Variants in NRXN1 observed in about 807,000 individuals in gnomAD.
NRXN1 encodes the protein neurexin 1.
A neutral mutation model predicts 150.9 loss-of-function variants in NRXN1; 39 were observed. The ratio of observed to expected loss-of-function variants is 0.26; its 90% CI spans 0.20 to 0.34. The LOEUF (loss-of-function observed/expected upper bound fraction) is 0.34. Among genes scored for constraint, NRXN1 ranks in the 10% least tolerant of loss-of-function variants. NRXN1 has a pLI of 1.00. For missense variants in NRXN1, 1,815 were observed against 1,949.9 expected (o/e 0.93, Z 1.30); for synonymous variants, 924 against 757.0 (o/e 1.22, Z -3.62).
At position 50,536,522 on chromosome 2, in the gene NRXN1, T is replaced by C. The variant is rs141370654; in HGVS notation, c.2143+1731A>G. On this transcript the variant is annotated intron_variant, in intron 10 of 22. Coordinates refer to ENST00000401669, the MANE Select transcript of NRXN1 (RefSeq NM_001330078.2). ...TTTTGCCATAGGTAGTAGCGGAATA[T>C]TGCCACAGGGTGGTACACCACGCAT... Among the ~76,000 whole-genome samples, 325 of 152,308 alleles carry C rather than the reference T, an allele frequency of 2.1e-3. 1 individual carries two copies. Among genetic ancestry groups the C allele is most frequent in the African/African-American group, 7.2e-3 (300 of 41,574 alleles).
At chr2:50,704,156 T>G (rs578038103) in intron 5 of NRXN1, among the ~76,000 whole-genome samples, 14 of 152,148 alleles carry the variant, frequency 9.2e-5, no homozygotes, top group African/African-American at 2.2e-4. Context: ...TTATCTTTAT[T>G]ATTCTCTACT....
chr2:50,482,903 T>C (rs918230374), intron 15 of NRXN1, among the ~76,000 whole-genome samples: 3 of 151,660 alleles, frequency 2.0e-5, no homozygotes, highest in Non-Finnish European at 4.4e-5. Flanking sequence ...ATACAAAAAT[T>C]AGCTGTGCGT....
chr2:50,348,622 T>G (rs998544034), intron 17 of NRXN1, among the ~76,000 whole-genome samples: 1 of 152,162 alleles, frequency 6.6e-6, no homozygotes, highest in African/African-American at 2.4e-5. Context: ...ATGCTTTTGA[T>G]GAAATACAGC....
chr2:50,959,666 T>C (rs551152647), intron 2 of NRXN1, among the ~76,000 whole-genome samples: 6 of 152,040 alleles, frequency 3.9e-5, no homozygotes, highest in Non-Finnish European at 7.4e-5. Flanking sequence ...GGAATTAGCA[T>C]GACAGCTGCA....
At chr2:50,295,506 A>G (rs17040415) in intron 17 of NRXN1, among the ~76,000 whole-genome samples, 4,823 of 152,298 alleles carry the variant, frequency 0.032, 277 homozygotes, top group African/African-American at 0.11. Context: ...TACTACTGTA[A>G]TCTCTGAATA....
chr2:50,345,478 C>G (rs75350212), intron 17 of NRXN1, among the ~76,000 whole-genome samples: 5 of 152,042 alleles, frequency 3.3e-5, no homozygotes, highest in Admixed American at 2.6e-4. Context: ...ACGGGTCCTG[C>G]AAGAAAGAGG....
intron 5 of NRXN1, among the ~76,000 whole-genome samples, chr2:50,640,520 G>T (rs1409407183): frequency 1.3e-5 from 2 of 152,082 alleles, no homozygotes; most frequent in African/African-American, 4.8e-5. Flanking sequence ...TATATGCTTA[G>T]ATGTTACATT....
chr2:50,437,884 T>C (rs2085584315), intron 17 of NRXN1, among the ~76,000 whole-genome samples: 1 of 152,192 alleles, frequency 6.6e-6, no homozygotes, highest in African/African-American at 2.4e-5. Flanking sequence ...TTTGTGAATG[T>C]CCATTCTATA....
chr2:50,427,233 A>C (rs1373618657), intron 17 of NRXN1, among the ~76,000 whole-genome samples: 1 of 152,190 alleles, frequency 6.6e-6, no homozygotes, highest in Non-Finnish European at 1.5e-5. Context: ...AGAAGCCATC[A>C]GCTTGTAAAT....
At position 50,909,058 on chromosome 2, in the gene NRXN1, A is replaced by AT. The variant is rs543703169; in HGVS notation, c.832+12810dup. Among the ~76,000 whole-genome samples, 354 of 152,150 alleles carry AT rather than the reference A, an allele frequency of 2.3e-3. 3 individuals are homozygous for AT. Among genetic ancestry groups the AT allele is most frequent in the African/African-American group, 8.0e-3 (333 of 41,538 alleles). On this transcript the variant is annotated intron_variant, in intron 5 of 22. Coordinates refer to ENST00000401669, the MANE Select transcript of NRXN1 (RefSeq NM_001330078.2). ...GTGGAGAAATATATTTATAGAAAGT[A>AT]TTTTTTTAAGTAAATGAGAAATTAG...
At chr2:50,522,945 G>A (rs1184857615) in intron 12 of NRXN1, among the ~76,000 whole-genome samples, 1 of 151,344 alleles carries the variant, frequency 6.6e-6, no homozygotes, top group Non-Finnish European at 1.5e-5. Context: ...TGCTGGTCAG[G>A]CTGGTCCTAG....
intron 18 of NRXN1, among the ~76,000 whole-genome samples, chr2:50,092,311 CAT>C (rs1205527443): frequency 6.6e-6 from 1 of 152,166 alleles, no homozygotes; most frequent in Non-Finnish European, 1.5e-5. Flanking sequence ...CAAAGAGAAA[CAT>C]GTGCTATGTC....
chr2:50,681,416 G>A (rs1317662500), intron 5 of NRXN1, among the ~76,000 whole-genome samples: 1 of 152,086 alleles, frequency 6.6e-6, no homozygotes, highest in Admixed American at 6.6e-5. Flanking sequence ...CTTCTATTTT[G>A]GGAGTCAGAC....
intron 17 of NRXN1, among the ~76,000 whole-genome samples, chr2:50,267,508 G>C (rs1202552647): frequency 6.6e-6 from 1 of 152,090 alleles, no homozygotes; most frequent in Admixed American, 6.6e-5. Flanking sequence ...AAATGAATAA[G>C]ACTACCAACT....
chr2:50,086,830 G>C (rs1234235584), intron 19 of NRXN1, among the ~76,000 whole-genome samples: 1 of 147,670 alleles, frequency 6.8e-6, no homozygotes, highest in Non-Finnish European at 1.5e-5. Context: ...ATGAGAGAGA[G>C]AGAGAGAGAG....
chr2:50,357,600 G>A (rs1406796161), intron 17 of NRXN1, among the ~76,000 whole-genome samples: 3 of 152,064 alleles, frequency 2.0e-5, no homozygotes, highest in Non-Finnish European at 4.4e-5. Context: ...GAGCTACCGC[G>A]CCCAGGCATA....
rs114216719 is a variant in NRXN1 at position 50,266,608 on chromosome 2, G to A, written c.3365-29638C>T. Among the ~76,000 whole-genome samples, 1,331 of 150,812 alleles carry A rather than the reference G, an allele frequency of 8.8e-3. 5 individuals carry two copies. Among genetic ancestry groups the A allele is most frequent in the Non-Finnish European group, 0.015 (989 of 67,802 alleles). On this transcript the variant is annotated intron_variant, in intron 17 of 22. Transcript: ENST00000401669. ...TCTAGAAGAACTAAGGTAAAGTTGC[G>A]TTTGAAAATGGTAATAAGAGTGTGT...
intron 18 of NRXN1, among the ~76,000 whole-genome samples, chr2:50,203,392 G>A (rs1325285089): frequency 1.3e-5 from 2 of 152,098 alleles, no homozygotes; most frequent in Non-Finnish European, 2.9e-5. Flanking sequence ...TTCTGTTATT[G>A]CTGAACCTTA....
intron 5 of NRXN1, among the ~76,000 whole-genome samples, chr2:50,815,823 T>C (rs1483035223): frequency 6.6e-6 from 1 of 152,170 alleles, no homozygotes; most frequent in Non-Finnish European, 1.5e-5. Flanking sequence ...AGTCATAGAA[T>C]TTTCTATATA....
Sources: allele counts gnomAD v4.1 joint callset (sites outside exome capture counted in the v4.1 genomes callset), GRCh38; gene constraint gnomAD v4.1.1; transcripts MANE v1.5; gene names NCBI Gene and HGNC (gene_info 2026-07-23, HGNC 2026-07-21).